WDR3: variants seen among roughly 807,000 people sequenced by gnomAD.
WDR3 encodes the protein WD repeat domain 3, also known as WD repeat-containing protein 3.
In WDR3, 81 loss-of-function variants were observed where a neutral mutation model predicts 123.7. The observed-to-expected ratio is 0.65, with a 90% CI of 0.55 to 0.79. WDR3 has a LOEUF of 0.79. WDR3 is among the 30% of genes least tolerant of loss of function. The pLI is 0.00. For missense variants in WDR3, 1,027 were observed against 1,123.2 expected (o/e 0.91, Z 1.22); for synonymous variants, 390 against 388.8 (o/e 1.00, Z -0.04).
intron 24 of WDR3, 21 bp downstream of exon 24, chr1:117,955,379 A>C: frequency 6.2e-7 from 1 of 1,609,132 alleles, no homozygotes; most frequent in Non-Finnish European, 8.5e-7. Flanking sequence ...CCTTGCGCAC[A>C]ATTTTTGTAA....
chr1:117,963,865 C>T lies in WDR3; in HGVS notation c.*4418C>T. ...TGGAGGAATAAATTGTAGAAGTTCT[C>T]TGGACCATTGGATTTTCTTTTCCCT... On this transcript the variant is annotated 3_prime_UTR_variant, in exon 27 of 27. Coordinates refer to ENST00000349139, the MANE Select transcript of WDR3 (RefSeq NM_006784.3). 1 of 1,613,982 alleles carries T rather than the reference C, an allele frequency of 6.2e-7. No homozygotes were observed. Among genetic ancestry groups the T allele is most frequent in the Non-Finnish European group, 8.5e-7 (1 of 1,179,872 alleles).
At chr1:117,955,185 T>A (rs1278305474) in intron 23 of WDR3, 130 bp from the exon 24 acceptor site, 1 of 699,652 alleles carries the variant, frequency 1.4e-6, no homozygotes, top group Admixed American at 3.1e-5. Context: ...CTCATGCAGA[T>A]CTTGCCATTT....
At chr1:117,933,243 A>G (rs937458284) in intron 1 of WDR3, 45 bp from the exon 2 acceptor site, 1 of 1,550,232 alleles carries the variant, frequency 6.5e-7, no homozygotes, top group South Asian at 1.2e-5. Context: ...ACCTAGTAGA[A>G]CCAAGGCACC....
At chr1:117,932,497 G>A (rs1650767778) in intron 1 of WDR3, among the ~76,000 whole-genome samples, 1 of 152,146 alleles carries the variant, frequency 6.6e-6, no homozygotes, top group Admixed American at 6.5e-5. Flanking sequence ...ATGTATACTA[G>A]AGTTAGAGAA....
intron 1 of WDR3, among the ~76,000 whole-genome samples, chr1:117,932,993 G>A (rs1650786923): frequency 6.7e-6 from 1 of 149,074 alleles, no homozygotes; most frequent in African/African-American, 2.5e-5. Flanking sequence ...TGAGGCTTTC[G>A]AGACGAGCCT....
chr1:117,959,107 T>C lies in WDR3; in HGVS notation c.2676+104T>C. The stretch of plus-strand genomic sequence containing the variant: ...TGTCTTTAGCAATACCCACCACCGA[T>C]AAATCCATATTTGAGATAGTTTTTG... On this transcript the variant is annotated intron_variant, in intron 26 of 26. Transcript: ENST00000349139. 2.3e-6 allele frequency: 3 copies of C among 1,303,574 alleles called. No individual in the cohort carries two copies. The South Asian group carries it at 4.3e-5, about 19-fold the overall frequency. 80.8% of individuals were successfully genotyped at this position (1,303,574 alleles called of 1,614,324 possible). A position where few individuals can be genotyped will look rare whatever the true frequency, so the allele number is the denominator to read the frequency against.
At chr1:117,954,458 A>G (rs1450766365) in intron 22 of WDR3, 122 bp from the exon 23 acceptor site, 18 of 902,094 alleles carry the variant, frequency 2.0e-5, no homozygotes, top group Non-Finnish European at 3.0e-5. Flanking sequence ...ACACTCTGTC[A>G]GTTTTTTAGG....
At position 117,936,761 on chromosome 1, in the gene WDR3, C is replaced by T; in HGVS notation, c.382-8C>T. Reference sequence around the variant, plus strand: ...TTATTTTTCATCTGTATTATTTGATCCCTTTAGGACACAGATATTATTGTA... The same window carrying T: ...TTATTTTTCATCTGTATTATTTGATTCCTTTAGGACACAGATATTATTGTA... On this transcript the variant is annotated splice_region_variant and splice_polypyrimidine_tract_variant and intron_variant, in intron 3 of 26. Coordinates refer to ENST00000349139, the MANE Select transcript of WDR3 (RefSeq NM_006784.3). 2 of 1,582,612 alleles carry T rather than the reference C, an allele frequency of 1.3e-6. No homozygotes were observed. Among genetic ancestry groups the T allele is most frequent in the Non-Finnish European group, 1.7e-6 (2 of 1,160,982 alleles).
At chr1:117,945,960 G>A (rs1193162720) in intron 11 of WDR3, 126 bp from the exon 12 acceptor site, 1 of 540,604 alleles carries the variant, frequency 1.8e-6, no homozygotes, top group Non-Finnish European at 3.0e-6. Flanking sequence ...TGTGAGTCAA[G>A]GGTTTTTAAG....
At chr1:117,930,383 A>G (rs1650666975) in intron 1 of WDR3, among the ~76,000 whole-genome samples, 2 of 152,210 alleles carry the variant, frequency 1.3e-5, no homozygotes, top group East Asian at 3.9e-4. Flanking sequence ...TAAAAGAAGT[A>G]GAGGAGAACA....
rs925540314 is a variant in WDR3 at position 117,960,313 on chromosome 1, A to C, written c.*866A>C. Reference sequence around the variant, plus strand: ...TAGCCTGTTATTGACTGGGAGCCTGACTGATGTATTATATATATTGTATAC... The same window carrying C: ...TAGCCTGTTATTGACTGGGAGCCTGCCTGATGTATTATATATATTGTATAC... On this transcript the variant is annotated 3_prime_UTR_variant, in exon 27 of 27. Transcript: ENST00000349139. The C allele has an allele frequency of 6.6e-6, 1 of 152,160 alleles. No individual in the cohort carries two copies. Among genetic ancestry groups the C allele is most frequent in the African/African-American group, 2.4e-5 (1 of 41,432 alleles). 9.4% of individuals were successfully genotyped at this position (152,160 alleles called of 1,614,324 possible).
At chr1:117,942,390 G>T in intron 9 of WDR3, 47 bp from the exon 10 acceptor site, 1 of 1,548,014 alleles carries the variant, frequency 6.5e-7, no homozygotes. Context: ...GAGCAAAGCT[G>T]CTTCTAGAAA....
intron 6 of WDR3, 31 bp downstream of exon 6, chr1:117,939,603 G>A: frequency 6.2e-7 from 1 of 1,600,854 alleles, no homozygotes; most frequent in Non-Finnish European, 8.6e-7. Context: ...TGGGCAATAT[G>A]TTTAGAAGTT....
At chr1:117,938,819 C>G (rs910219330) in intron 5 of WDR3, among the ~76,000 whole-genome samples, 79 of 152,100 alleles carry the variant, frequency 5.2e-4, no homozygotes, top group African/African-American at 1.8e-3. Context: ...TAAGTGTCCA[C>G]TTTTATGAAT....
At chr1:117,943,677 T>A (rs775643415) in intron 11 of WDR3, 51 bp downstream of exon 11, 16 of 1,496,440 alleles carry the variant, frequency 1.1e-5, no homozygotes, top group South Asian at 7.4e-5. Flanking sequence ...TTTCTTTTAA[T>A]TTTTTTTGGT....
At chr1:117,937,282 AG>A (rs1650977342) in intron 4 of WDR3, among the ~76,000 whole-genome samples, 1 of 152,186 alleles carries the variant, frequency 6.6e-6, no homozygotes, top group South Asian at 2.1e-4. Context: ...TGTACTTCAT[AG>A]GCCTTCTGAA....
At chr1:117,948,544 C>G (rs775191369) in intron 13 of WDR3, 38 bp downstream of exon 13, 1 of 1,523,532 alleles carries the variant, frequency 6.6e-7, no homozygotes, top group South Asian at 1.2e-5. Context: ...GAGTTCAGCC[C>G]TGTGGCTACC....
intron 22 of WDR3, among the ~76,000 whole-genome samples, 161 bp from the exon 23 acceptor site, chr1:117,954,419 T>C (rs1571027373): frequency 6.6e-6 from 1 of 152,250 alleles, no homozygotes; most frequent in South Asian, 2.1e-4. Flanking sequence ...ATGAGTACTA[T>C]AGAAACTAAC....
intron 5 of WDR3, among the ~76,000 whole-genome samples, chr1:117,939,047 A>G (rs1571011642): frequency 6.6e-6 from 1 of 152,176 alleles, no homozygotes; most frequent in Non-Finnish European, 1.5e-5. Flanking sequence ...TTCTTTGTTG[A>G]TTTGCAACAA....
Sources: gnomAD v4.1 joint callset for allele counts (sites outside exome capture counted in the v4.1 genomes callset) on GRCh38, gnomAD v4.1.1 for gene constraint, MANE v1.5 for transcripts, NCBI Gene and HGNC (gene_info 2026-07-23, HGNC 2026-07-21) for gene names.